The following GALNTL6 variants were observed in gnomAD, a reference collection of about 807,000 sequenced individuals.
GALNTL6 encodes the protein polypeptide N-acetylgalactosaminyltransferase-like 6.
Under a neutral mutation model 73.7 loss-of-function variants are expected in GALNTL6, and 46 were observed. That is an observed-to-expected ratio of 0.62 (90% CI 0.49 to 0.80). The LOEUF (loss-of-function observed/expected upper bound fraction) is 0.80, where lower values mean the gene tolerates loss of function less well. Among genes scored for constraint, GALNTL6 ranks in the 30% least tolerant of loss-of-function variants. The pLI, the probability that GALNTL6 is intolerant of heterozygous loss-of-function variation, is 0.00. For missense variants in GALNTL6, 604 were observed against 755.0 expected, an observed-to-expected ratio of 0.80 and a Z score of 2.34; for synonymous variants, 259 against 263.7, an observed-to-expected ratio of 0.98 and a Z score of 0.17.
intron 3 of GALNTL6, among the ~76,000 whole-genome samples, chr4:172,236,722 ATTT>A (rs1475345262): frequency 6.6e-6 from 1 of 150,934 alleles, no homozygotes; most frequent in African/African-American, 2.4e-5. Flanking sequence ...ATTTTATTTT[ATTT>A]TGTTTTACTT....
intron 5 of GALNTL6, among the ~76,000 whole-genome samples, chr4:172,568,621 G>A (rs886796740): frequency 7.3e-5 from 11 of 151,560 alleles, no homozygotes; most frequent in Admixed American, 2.0e-4. Flanking sequence ...AGCCGGGCGT[G>A]ATGGTGGGCG....
intron 3 of GALNTL6, among the ~76,000 whole-genome samples, chr4:172,279,415 T>A: frequency 8.5e-6 from 1 of 117,316 alleles, no homozygotes; most frequent in African/African-American, 3.1e-5. Flanking sequence ...TCAATAGACA[T>A]TTTTTCCAAA....
chr4:173,007,372 T>C (rs1330829633), intron 10 of GALNTL6, among the ~76,000 whole-genome samples: 2 of 152,204 alleles, frequency 1.3e-5, no homozygotes, highest in African/African-American at 2.4e-5. Context: ...CAGGACTATA[T>C]AAGGGCTTAA....
intron 5 of GALNTL6, among the ~76,000 whole-genome samples, chr4:172,437,592 T>C (rs1325886718): frequency 6.6e-6 from 1 of 152,162 alleles, no homozygotes; most frequent in Non-Finnish European, 1.5e-5. Flanking sequence ...TAGCTTCCTC[T>C]CTTCCAGATT....
At chr4:171,968,322 T>C (rs1739449300) in intron 2 of GALNTL6, among the ~76,000 whole-genome samples, 1 of 152,156 alleles carries the variant, frequency 6.6e-6, no homozygotes, top group Non-Finnish European at 1.5e-5. Flanking sequence ...GCAGGGTCAT[T>C]TCATTTTGGG....
At chr4:172,572,847 G>A (rs528396789) in intron 5 of GALNTL6, among the ~76,000 whole-genome samples, 8 of 152,128 alleles carry the variant, frequency 5.3e-5, no homozygotes, top group Admixed American at 3.9e-4. Flanking sequence ...TGTTGTACCT[G>A]TTGCTTTTTC....
chr4:172,188,652 T>A (rs1044879252), intron 2 of GALNTL6, among the ~76,000 whole-genome samples: 8 of 152,152 alleles, frequency 5.3e-5, no homozygotes, highest in Non-Finnish European at 7.3e-5. Flanking sequence ...GAGATCTAAT[T>A]TAGATTACAC....
chr4:172,342,065 A>G (rs559814461), intron 4 of GALNTL6, among the ~76,000 whole-genome samples: 3 of 152,250 alleles, frequency 2.0e-5, no homozygotes, highest in East Asian at 3.9e-4. Flanking sequence ...ATAATATAAT[A>G]TTAGTGGCTG....
intron 5 of GALNTL6, among the ~76,000 whole-genome samples, chr4:172,503,553 T>TATATATA (rs1554031112): frequency 1.5e-4 from 22 of 145,616 alleles, no homozygotes; most frequent in Admixed American, 2.1e-4. Context: ...TATATATGTA[T>TATATATA]TAGTTTTTTG....
intron 5 of GALNTL6, among the ~76,000 whole-genome samples, chr4:172,423,923 C>T (rs887647443): frequency 6.6e-6 from 1 of 152,034 alleles, no homozygotes; most frequent in African/African-American, 2.4e-5. Context: ...ATATCCGTAT[C>T]TTGATATAGA....
At chr4:171,825,076 C>T (rs955925715) in intron 2 of GALNTL6, among the ~76,000 whole-genome samples, 1 of 151,992 alleles carries the variant, frequency 6.6e-6, no homozygotes, top group Non-Finnish European at 1.5e-5. Flanking sequence ...GTATTCTGCC[C>T]TCAGGGAAAA....
chr4:172,235,253 G>A (rs1737202252), intron 3 of GALNTL6, among the ~76,000 whole-genome samples: 1 of 151,878 alleles, frequency 6.6e-6, no homozygotes, highest in Non-Finnish European at 1.5e-5. Context: ...TGTTGCCCAG[G>A]CTGGAGTGCA....
chr4:172,777,274 A>G (rs566077132), intron 5 of GALNTL6, among the ~76,000 whole-genome samples: 3 of 152,326 alleles, frequency 2.0e-5, no homozygotes, highest in Non-Finnish European at 4.4e-5. Context: ...CATTATAGCT[A>G]CGTATCTTTC....
At chr4:172,760,651 A>T (rs1027834713) in intron 5 of GALNTL6, among the ~76,000 whole-genome samples, 2 of 152,116 alleles carry the variant, frequency 1.3e-5, no homozygotes, top group Non-Finnish European at 2.9e-5. Flanking sequence ...CTGTCAATAA[A>T]TGAAGCAGAG....
At chr4:172,385,260 T>C (rs1442521242) in intron 5 of GALNTL6, among the ~76,000 whole-genome samples, 1 of 152,068 alleles carries the variant, frequency 6.6e-6, no homozygotes, top group Admixed American at 6.6e-5. Flanking sequence ...TATTCTGCTA[T>C]GATTGCGTAT....
intron 5 of GALNTL6, among the ~76,000 whole-genome samples, chr4:172,555,838 GA>G (rs975599425): frequency 6.6e-6 from 1 of 152,002 alleles, no homozygotes; most frequent in African/African-American, 2.4e-5. Flanking sequence ...GTGAACCTTT[GA>G]AATGAGTAAA....
chr4:172,337,699 TG>T (rs150318024), intron 4 of GALNTL6, among the ~76,000 whole-genome samples: 75,846 of 135,350 alleles, frequency 0.56, 24,190 homozygotes, highest in South Asian at 0.7. Flanking sequence ...TAAGGTTTTT[TG>T]TTTTTTTTTT....
At chr4:172,446,519 C>A (rs528176597) in intron 5 of GALNTL6, among the ~76,000 whole-genome samples, 37 of 152,148 alleles carry the variant, frequency 2.4e-4, no homozygotes, top group Non-Finnish European at 4.4e-4. Flanking sequence ...GTTTTCTAGG[C>A]ACAGTTTGCA....
intron 5 of GALNTL6, among the ~76,000 whole-genome samples, chr4:172,571,650 T>C (rs1048535343): frequency 2.7e-4 from 41 of 152,300 alleles, no homozygotes; most frequent in African/African-American, 9.1e-4. Context: ...TTCAACATAA[T>C]TGGGGAGAAA....
Sources: gnomAD v4.1 joint callset for allele counts (sites outside exome capture counted in the v4.1 genomes callset) on GRCh38, gnomAD v4.1.1 for gene constraint, MANE v1.5 for transcripts, NCBI Gene and HGNC (gene_info 2026-07-23, HGNC 2026-07-21) for gene names.